Variants in ABCC1 observed in about 807,000 individuals in gnomAD.
The protein encoded by ABCC1 is multidrug resistance-associated protein 1.
A neutral mutation model predicts 172.9 loss-of-function variants in ABCC1; 83 were observed. The ratio of observed to expected loss-of-function variants is 0.48; its 90% CI spans 0.40 to 0.58. ABCC1 has a LOEUF of 0.58. Ranked by LOEUF, ABCC1 falls within the 20% of genes least tolerant of loss-of-function variation. The pLI is 0.00. For synonymous variants in ABCC1, 937 were observed against 825.2 expected (o/e 1.14, Z -2.32); for missense variants, 1,817 against 2,002.7 (o/e 0.91, Z 1.77).
chr16:15,958,400 G>A (rs576817768), intron 1 of ABCC1, among the ~76,000 whole-genome samples: 1 of 152,152 alleles, frequency 6.6e-6, no homozygotes, highest in Non-Finnish European at 1.5e-5. Flanking sequence ...ATGAGCCACC[G>A]TGCCTGGCCT....
At chr16:15,956,325 A>G (rs1019435866) in intron 1 of ABCC1, among the ~76,000 whole-genome samples, 11 of 151,746 alleles carry the variant, frequency 7.2e-5, no homozygotes, top group Non-Finnish European at 1.5e-5. Flanking sequence ...AGATCGCGCC[A>G]TTGCACTCCA....
chr16:16,025,519 G>C (rs1361248048), intron 5 of ABCC1, among the ~76,000 whole-genome samples: 3 of 152,234 alleles, frequency 2.0e-5, no homozygotes, highest in African/African-American at 7.2e-5. Context: ...ATTGCCTCCT[G>C]CTGGGTGCAG....
chr16:16,049,293 C>G (rs962192583), intron 10 of ABCC1, among the ~76,000 whole-genome samples: 7 of 152,256 alleles, frequency 4.6e-5, no homozygotes, highest in Non-Finnish European at 8.8e-5. Flanking sequence ...CTGGCTTGGT[C>G]CTATTCACAC....
At position 16,122,240 on chromosome 16, in the gene ABCC1, G is replaced by A. The variant is rs183264775; in HGVS notation, c.3590+66G>A. The stretch of plus-strand genomic sequence containing the variant: ...CCTTAGCACCTTGTCTCTTTGCCTC[G>A]ATCTTTTCCTCGCACCTTGAGCTGG... On this transcript the variant is annotated intron_variant, in intron 24 of 30. Coordinates refer to ENST00000399410, the MANE Select transcript of ABCC1 (RefSeq NM_004996.4). 7 of 1,564,344 alleles carry A rather than the reference G, an allele frequency of 4.5e-6. No individual in the cohort carries two copies. In the African/African-American group the frequency reaches 5.4e-5, roughly 12 times the overall value.
At chr16:16,082,535 T>C (rs2050845112) in intron 16 of ABCC1, among the ~76,000 whole-genome samples, 1 of 145,888 alleles carries the variant, frequency 6.9e-6, no homozygotes. Context: ...ACCTGACATA[T>C]GGAAATAAAA....
chr16:16,128,652 A>G (rs1394075081), intron 26 of ABCC1, among the ~76,000 whole-genome samples: 1 of 152,164 alleles, frequency 6.6e-6, no homozygotes, highest in Non-Finnish European at 1.5e-5. Context: ...CTCCCCTTCA[A>G]TTATGTACAT....
intron 22 of ABCC1, 122 bp from the exon 23 acceptor site, chr16:16,114,644 C>CATT (rs34557574): frequency 0.046 from 42,215 of 921,902 alleles, 1,210 homozygotes; most frequent in Admixed American, 0.14. Context: ...CCTGGTTCAT[C>CATT]ATTATTATTA....
Position 16,138,397 on chromosome 16 carries a change from G to C in ABCC1, c.4326G>C (p.Arg1442=). Residue 1442 remains arginine (R), a synonymous_variant, in exon 30 of 31, where the codon CGG becomes CGC. Transcript: ENST00000399410. ...VGQRQLVCLA[R]ALLRKTKILV... is the part of the protein sequence containing the mutation. ...AGCGCCAGCTTGTGTGCCTAGCCCG[G>C]GCCCTGCTGAGGAAGACGAAGATCC... The C allele has an allele frequency of 6.2e-7, 1 of 1,604,158 alleles. No individual in the cohort carries two copies. The highest frequency in any genetic ancestry group is 8.5e-7 in the Non-Finnish European group (1 of 1,171,950).
intron 22 of ABCC1, 55 bp downstream of exon 22, chr16:16,111,637 C>T: frequency 6.6e-7 from 1 of 1,518,842 alleles, no homozygotes. Context: ...GTGGCTTTGT[C>T]TAATTATAGA....
Position 16,090,441 on chromosome 16 carries a change from C to A in ABCC1, c.2497C>A (p.Pro833Thr), listed in dbSNP as rs753141971. The A allele has an allele frequency of 6.2e-7, 1 of 1,612,024 alleles. No homozygotes were observed. Among genetic ancestry groups the A allele is most frequent in the Non-Finnish European group, 8.5e-7 (1 of 1,178,852 alleles). Residue 833 changes from proline (P) to threonine (T), a missense_variant, in exon 19 of 31, where the codon CCG becomes ACG. Pro to Thr is a conservative substitution (Grantham distance 38). Around this residue, in one of 3 missense-constraint regions of ABCC1, gnomAD observed 1,412 missense variants for 1,600.3 expected, o/e 0.88. Coordinates refer to ENST00000399410, the MANE Select transcript of ABCC1 (RefSeq NM_004996.4). ...GGTCACGCACAGCATGAGCTACTTG[C>A]CGCAGGTGGACGTCATCATCGTCAT... Reference protein sequence around the residue: ...ILVTHSMSYLPQVDVIIVMSG... With the variant: ...ILVTHSMSYLTQVDVIIVMSG...
intron 1 of ABCC1, among the ~76,000 whole-genome samples, chr16:15,973,474 T>C (rs1472959028): frequency 6.6e-6 from 1 of 152,088 alleles, no homozygotes; most frequent in African/African-American, 2.4e-5. Flanking sequence ...ATGTCAGTAG[T>C]ACTGCAGTTG....
chr16:16,038,799 C>T (rs575516785), intron 7 of ABCC1, among the ~76,000 whole-genome samples: 10 of 152,268 alleles, frequency 6.6e-5, no homozygotes, highest in South Asian at 6.2e-4. Context: ...TCATCATCCA[C>T]GCCTCTGCTG....
chr16:15,974,322 C>T (rs2046435145), intron 1 of ABCC1, among the ~76,000 whole-genome samples: 1 of 152,106 alleles, frequency 6.6e-6, no homozygotes, highest in Non-Finnish European at 1.5e-5. Flanking sequence ...TTGAGATTAT[C>T]AGAGATCAGG....
intron 24 of ABCC1, 48 bp from the exon 25 acceptor site, chr16:16,124,741 G>C: frequency 6.2e-7 from 1 of 1,612,900 alleles, no homozygotes; most frequent in Non-Finnish European, 8.5e-7. Context: ...CCAAGTCTCT[G>C]TAGAGCTGAC....
chr16:16,120,633 A>G (rs534985728), intron 23 of ABCC1, among the ~76,000 whole-genome samples: 84 of 152,204 alleles, frequency 5.5e-4, no homozygotes, highest in Non-Finnish European at 1.0e-3. Context: ...TTCCCGAGGA[A>G]GTGACATCTG....
chr16:15,997,864 A>G (rs2047112313), intron 1 of ABCC1, among the ~76,000 whole-genome samples: 1 of 126,928 alleles, frequency 7.9e-6, no homozygotes, highest in Non-Finnish European at 1.6e-5. Context: ...CCCAGGCTGG[A>G]GGACAATGAC....
intron 1 of ABCC1, among the ~76,000 whole-genome samples, chr16:15,990,409 G>A (rs1430706042): frequency 1.3e-5 from 2 of 152,108 alleles, no homozygotes; most frequent in Non-Finnish European, 2.9e-5. Flanking sequence ...CTGTACAGTA[G>A]ACCGTAGGAC....
chr16:15,970,954 C>A (rs2046355901), intron 1 of ABCC1, among the ~76,000 whole-genome samples: 1 of 152,306 alleles, frequency 6.6e-6, no homozygotes, highest in South Asian at 2.1e-4. Flanking sequence ...AATGACTAAT[C>A]ACTTCTAGTC....
rs772810907 is a variant in ABCC1, at chr16:16,087,008, T to G, written c.2460+17T>G. On this transcript the variant is annotated intron_variant, in intron 18 of 30. Transcript: ENST00000399410. ...AAGAACAAGGTGCCTGCTGGCGGGG[T>G]GGGGCTTGGTGTTGGGCCGTCTCGC... 1 of 1,613,570 alleles carries G rather than the reference T, an allele frequency of 6.2e-7. No homozygotes were observed. The highest frequency in any genetic ancestry group is 1.1e-5 in the South Asian group (1 of 91,054).
Sources: gnomAD v4.1 joint callset for allele counts (sites outside exome capture counted in the v4.1 genomes callset) on GRCh38, gnomAD v4.1.1 for gene constraint, gnomAD v4.1.1 regional missense constraint, MANE v1.5 for transcripts, NCBI Gene and HGNC (gene_info 2026-07-23, HGNC 2026-07-21) for gene names.